The following ZRANB3 variants were observed in gnomAD, a reference collection of about 807,000 sequenced individuals.
ZRANB3 encodes the protein zinc finger RANBP2-type containing 3.
ZRANB3 carries 125 observed loss-of-function variants against 133.8 expected under a neutral mutation model. That is an observed-to-expected ratio of 0.93 (90% confidence interval 0.81 to 1.08). The LOEUF (loss-of-function observed/expected upper bound fraction) is 1.08, where lower values mean the gene tolerates loss of function less well. Ranked by LOEUF, ZRANB3 falls within the 50% of genes least tolerant of loss-of-function variation. ZRANB3 has a pLI of 0.00. For missense variants in ZRANB3, 1,229 were observed against 1,275.5 expected (o/e 0.96, Z 0.56); for synonymous variants, 387 against 432.7 (o/e 0.89, Z 1.31).
At chr2:135,520,326 C>T (rs933515265) in intron 1 of ZRANB3, among the ~76,000 whole-genome samples, 22 of 151,720 alleles carry the variant, frequency 1.5e-4, no homozygotes, top group Non-Finnish European at 1.6e-4. Flanking sequence ...ACCCAGGAGA[C>T]GGAGGTTACA....
chr2:135,326,093 T>C (rs1236407435), intron 6 of ZRANB3, among the ~76,000 whole-genome samples: 1 of 152,204 alleles, frequency 6.6e-6, no homozygotes, highest in Non-Finnish European at 1.5e-5. Flanking sequence ...GGTACTGATC[T>C]ATACAAACTA....
chr2:135,454,345 T>G (rs185348473), intron 2 of ZRANB3, among the ~76,000 whole-genome samples: 2 of 152,332 alleles, frequency 1.3e-5, no homozygotes, highest in East Asian at 3.9e-4. Flanking sequence ...ATAAAAACAT[T>G]GTTTCGGAGC....
At chr2:135,297,381 G>A (rs567008613) in intron 8 of ZRANB3, among the ~76,000 whole-genome samples, 1 of 152,250 alleles carries the variant, frequency 6.6e-6, no homozygotes, top group Non-Finnish European at 1.5e-5. Context: ...CGAGACAGGT[G>A]CGGGATATAA....
At chr2:135,264,169 T>C (rs548699175) in intron 12 of ZRANB3, among the ~76,000 whole-genome samples, 6 of 151,594 alleles carry the variant, frequency 4.0e-5, no homozygotes, top group African/African-American at 1.2e-4. Flanking sequence ...GAAGCAATGA[T>C]GGAATTAGAA....
intron 2 of ZRANB3, among the ~76,000 whole-genome samples, chr2:135,419,447 G>A (rs1688739977): frequency 6.6e-6 from 1 of 151,858 alleles, no homozygotes; most frequent in Admixed American, 6.6e-5. Context: ...CTAAATAACA[G>A]GAAGACTCTG....
chr2:135,420,199 G>A (rs1688781963), intron 2 of ZRANB3, among the ~76,000 whole-genome samples: 1 of 148,394 alleles, frequency 6.7e-6, no homozygotes, highest in Admixed American at 6.8e-5. Context: ...CCAGTATCTG[G>A]GGCACTCCTG....
At chr2:135,232,444 T>C (rs1015213080) in intron 12 of ZRANB3, among the ~76,000 whole-genome samples, 3 of 151,994 alleles carry the variant, frequency 2.0e-5, no homozygotes, top group African/African-American at 7.2e-5. Context: ...TTGAAGAGAG[T>C]AGTGGTTCTC....
At chr2:135,472,415 G>A (rs1226114109) in intron 2 of ZRANB3, among the ~76,000 whole-genome samples, 145 of 151,824 alleles carry the variant, frequency 9.6e-4, no homozygotes, top group Middle Eastern at 6.8e-3. Flanking sequence ...CAGGAGAATG[G>A]CGTGAACCCG....
At chr2:135,490,987 G>A (rs1208073660) in intron 2 of ZRANB3, among the ~76,000 whole-genome samples, 1 of 152,116 alleles carries the variant, frequency 6.6e-6, no homozygotes, top group Non-Finnish European at 1.5e-5. Flanking sequence ...TGGTTGGGAA[G>A]GGTAGTGGGG....
At chr2:135,445,393 AAGATGGCT>A (rs1689973557) in intron 2 of ZRANB3, among the ~76,000 whole-genome samples, 1 of 151,798 alleles carries the variant, frequency 6.6e-6, no homozygotes, top group Non-Finnish European at 1.5e-5. Context: ...GCAGTGAGCC[AAGATGGCT>A]CACTGCACTC....
chr2:135,292,166 A>G (rs1427405777), intron 8 of ZRANB3, among the ~76,000 whole-genome samples: 3 of 152,162 alleles, frequency 2.0e-5, no homozygotes, highest in Non-Finnish European at 4.4e-5. Context: ...CTGAGGAATC[A>G]CCACACTGAC....
intron 8 of ZRANB3, among the ~76,000 whole-genome samples, chr2:135,288,379 T>A (rs1030939200): frequency 1.3e-5 from 2 of 152,304 alleles, no homozygotes; most frequent in Non-Finnish European, 2.9e-5. Flanking sequence ...ATTAGAAATA[T>A]TGGTCTGTAG....
Position 135,202,862 on chromosome 2 carries a change from C to T in ZRANB3, c.3111G>A (p.Leu1037=). 4 of 1,609,664 alleles carry T rather than the reference C, an allele frequency of 2.5e-6. No individual in the cohort carries two copies. Among genetic ancestry groups the T allele is most frequent in the South Asian group, 2.2e-5 (2 of 89,838 alleles). The part of the protein sequence containing the change: ...GGGGQCSLDN[L]QTLCTVCHKE... ...TGTGACAGACTGTGCAGAGAGTCTG[C>T]AGGTTGTCCAGGGAACACTGTCCTC... The change falls in exon 20 of 21, where the codon CTG becomes CTA. Residue 1037 remains leucine (L), a synonymous_variant. Coordinates refer to ENST00000264159, the MANE Select transcript of ZRANB3 (RefSeq NM_032143.4).
At chr2:135,261,835 T>TA (rs1196193152) in intron 12 of ZRANB3, among the ~76,000 whole-genome samples, 2 of 152,100 alleles carry the variant, frequency 1.3e-5, no homozygotes, top group Non-Finnish European at 2.9e-5. Context: ...GACTTTATTG[T>TA]AGACCAGAAT....
chr2:135,275,173 G>A (rs1311250367), intron 9 of ZRANB3, among the ~76,000 whole-genome samples: 1 of 152,130 alleles, frequency 6.6e-6, no homozygotes, highest in East Asian at 1.9e-4. Context: ...CTGGGCAGAG[G>A]GGCTCCTCAC....
chr2:135,510,515 T>C, intron 1 of ZRANB3: 1 of 609,768 alleles, frequency 1.6e-6, no homozygotes, highest in East Asian at 3.0e-5. Context: ...GGAGCTAGGG[T>C]TTGTATGGCC....
intron 2 of ZRANB3, among the ~76,000 whole-genome samples, chr2:135,406,668 T>A (rs1269665110): frequency 6.6e-6 from 1 of 152,116 alleles, no homozygotes; most frequent in Non-Finnish European, 1.5e-5. Context: ...TGGTTCAACA[T>A]ACGAAAATCA....
intron 1 of ZRANB3, among the ~76,000 whole-genome samples, chr2:135,520,494 C>A (rs1021854465): frequency 4.6e-5 from 7 of 151,576 alleles, no homozygotes; most frequent in Non-Finnish European, 8.8e-5. Flanking sequence ...CTCACTGCAA[C>A]CTCAAACTCC....
chr2:135,303,219 T>G (rs766746087), intron 8 of ZRANB3, among the ~76,000 whole-genome samples: 2 of 152,178 alleles, frequency 1.3e-5, no homozygotes, highest in African/African-American at 4.8e-5. Context: ...TTTACCACCA[T>G]GTGTTCAAGT....
Sources: gnomAD v4.1 joint callset for allele counts (sites outside exome capture counted in the v4.1 genomes callset) on GRCh38, gnomAD v4.1.1 for gene constraint, MANE v1.5 for transcripts, NCBI Gene and HGNC (gene_info 2026-07-23, HGNC 2026-07-21) for gene names.